EXOC2: variants seen among roughly 807,000 people sequenced by gnomAD.
EXOC2 encodes SEC5-like 1.
In EXOC2, 70 loss-of-function variants were observed where a neutral mutation model predicts 131.8. The observed-to-expected ratio is 0.53, with a 90% CI of 0.44 to 0.65. The LOEUF (loss-of-function observed/expected upper bound fraction) is 0.65. Among genes scored for constraint, EXOC2 ranks in the 30% least tolerant of loss-of-function variants. The probability of loss-of-function intolerance (pLI) is 0.00; values close to 1 mark genes in which losing one functional copy is unlikely to be tolerated. For synonymous variants in EXOC2, 411 were observed against 398.4 expected (o/e 1.03, Z -0.38); for missense variants, 923 against 1,108.6 (o/e 0.83, Z 2.38).
intron 23 of EXOC2, among the ~76,000 whole-genome samples, chr6:505,375 G>A (rs138949151): frequency 1.3e-5 from 2 of 152,356 alleles, no homozygotes; most frequent in African/African-American, 4.8e-5. Flanking sequence ...TGGCCTGAGC[G>A]AAGAGGATCG....
intron 2 of EXOC2, among the ~76,000 whole-genome samples, chr6:635,514 T>C (rs182116918): frequency 6.6e-6 from 1 of 152,386 alleles, no homozygotes; most frequent in East Asian, 1.9e-4. Context: ...GACCTATTTC[T>C]TGATTTCTTA....
intron 15 of EXOC2, 21 bp downstream of exon 15, chr6:564,524 T>C: frequency 6.2e-7 from 1 of 1,613,636 alleles, no homozygotes; most frequent in South Asian, 1.1e-5. Flanking sequence ...CGCCTTTCTC[T>C]GAGAATGTGT....
chr6:564,023 CAA>C lies in EXOC2; in HGVS notation c.1789+8_1789+9del. ...TGCACAGTGAACGTCACCGATTTAT[CAA>C]AACACACCTTCCGCCGTGTGCTGCA... On this transcript the variant is annotated splice_region_variant and intron_variant, in intron 16 of 27. Coordinates refer to ENST00000230449, the MANE Select transcript of EXOC2 (RefSeq NM_018303.6). The C allele has an allele frequency of 6.2e-7, 1 of 1,612,516 alleles. No individual in the cohort carries two copies.
intron 1 of EXOC2, among the ~76,000 whole-genome samples, chr6:684,142 C>T (rs887259729): frequency 2.0e-5 from 3 of 152,210 alleles, no homozygotes; most frequent in African/African-American, 7.2e-5. Flanking sequence ...TACAAGCTGT[C>T]ACTCTGCAGC....
chr6:597,636 G>C (rs1759892074), intron 10 of EXOC2, among the ~76,000 whole-genome samples: 1 of 152,194 alleles, frequency 6.6e-6, no homozygotes, highest in Non-Finnish European at 1.5e-5. Context: ...GTGGCATAAT[G>C]CATTTCCCAC....
intron 13 of EXOC2, among the ~76,000 whole-genome samples, chr6:571,772 G>T (rs1299332137): frequency 6.6e-6 from 1 of 151,490 alleles, no homozygotes; most frequent in Non-Finnish European, 1.5e-5. Flanking sequence ...GCAGAGACAC[G>T]AAACACCTGT....
At chr6:658,992 C>T (rs1763292389) in intron 1 of EXOC2, among the ~76,000 whole-genome samples, 1 of 152,108 alleles carries the variant, frequency 6.6e-6, no homozygotes, top group South Asian at 2.1e-4. Flanking sequence ...ATTAAATCCT[C>T]CCACTTATTC....
At position 488,924 on chromosome 6, in the gene EXOC2, CAA is replaced by C. The variant is rs1335033625; in HGVS notation, c.2681+53_2681+54del. 6 of 1,536,998 alleles carry C rather than the reference CAA, an allele frequency of 3.9e-6. No homozygotes were observed. The East Asian group carries it at 1.1e-4, about 29-fold the overall frequency. ...TATTTTTAAAAGGTATTTTAGGAAA[CAA>C]AACCTTGTTGAGCACATTCAACTGG... is the stretch of plus-strand genomic sequence containing the variant. On this transcript the variant is annotated intron_variant, in intron 27 of 27. Transcript: ENST00000230449.
At chr6:581,633 A>G (rs1286851643) in intron 11 of EXOC2, among the ~76,000 whole-genome samples, 1 of 152,164 alleles carries the variant, frequency 6.6e-6, no homozygotes. Context: ...GGATCTAGCT[A>G]TATCTTTTAA....
chr6:647,706 T>A (rs1762640321), intron 1 of EXOC2, among the ~76,000 whole-genome samples: 1 of 145,308 alleles, frequency 6.9e-6, no homozygotes, highest in Non-Finnish European at 1.5e-5. Context: ...ACCTCTGGTC[T>A]CAAAGAACGC....
At chr6:625,928 C>T (rs1292762063) in intron 4 of EXOC2, among the ~76,000 whole-genome samples, 1 of 152,084 alleles carries the variant, frequency 6.6e-6, no homozygotes, top group Non-Finnish European at 1.5e-5. Context: ...ATATACAGAC[C>T]GTCTCCTACA....
chr6:491,203 G>A lies in EXOC2; in HGVS notation c.2560-17C>T. 3 of 1,613,596 alleles carry A rather than the reference G, an allele frequency of 1.9e-6. No homozygotes were observed. Among genetic ancestry groups the A allele is most frequent in the Admixed American group, 1.7e-5 (1 of 59,998 alleles). ...AAGTCTCGCCTGAAAATGAGAAAAAGACAAAGTGACAACAGGAAAATTTAT... is the reference window on the plus strand; with the variant it reads ...AAGTCTCGCCTGAAAATGAGAAAAAAACAAAGTGACAACAGGAAAATTTAT... On this transcript the variant is annotated splice_polypyrimidine_tract_variant and intron_variant, in intron 25 of 27. Transcript: ENST00000230449.
intron 26 of EXOC2, 44 bp downstream of exon 26, chr6:491,081 T>C: frequency 1.3e-6 from 2 of 1,599,408 alleles, no homozygotes; most frequent in South Asian, 2.2e-5. Context: ...TAAGACAACC[T>C]TTATTTTTAA....
intron 1 of EXOC2, among the ~76,000 whole-genome samples, chr6:665,634 G>A (rs577714716): frequency 2.6e-5 from 4 of 152,302 alleles, no homozygotes; most frequent in Non-Finnish European, 4.4e-5. Flanking sequence ...TTGCAGTGAC[G>A]TGGATGAGAT....
intron 26 of EXOC2, among the ~76,000 whole-genome samples, chr6:490,550 AGCATATTAC>A (rs1763372940): frequency 6.6e-6 from 1 of 152,208 alleles, no homozygotes; most frequent in African/African-American, 2.4e-5. Flanking sequence ...TGAGTGAGTA[AGCATATTAC>A]AGTGTCCTCA....
In EXOC2 at chr6:491,155, G is replaced by A. The variant is rs926041472; in HGVS notation, c.2591C>T (p.Thr864Ile). The change falls in exon 26 of 28, where the codon ACT becomes ATT. Residue 864 changes from threonine (T) to isoleucine (I), a missense_variant. Thr to Ile is a moderately conservative substitution (Grantham distance 89). Transcript: ENST00000230449. ...TTCGGGTGTCAGGTAAACAGCCACAGTGTCCCTCAAAGCACAGATTTCAAG... is the reference window on the plus strand; with the variant it reads ...TTCGGGTGTCAGGTAAACAGCCACAATGTCCCTCAAAGCACAGATTTCAAG... ...ARLEICALRD[T>I]VAVYLTPESK... is the part of the protein sequence containing the mutation. 1 of 1,614,066 alleles carries A rather than the reference G, an allele frequency of 6.2e-7. No individual in the cohort carries two copies. The highest frequency in any genetic ancestry group is 1.7e-5 in the Admixed American group (1 of 60,000).
intron 11 of EXOC2, among the ~76,000 whole-genome samples, chr6:582,600 A>G (rs989781445): frequency 1.4e-5 from 2 of 143,854 alleles, no homozygotes; most frequent in Admixed American, 6.9e-5. Flanking sequence ...AGCGCACCAC[A>G]CACAAGAATT....
At chr6:580,562 G>C (rs1026677173) in intron 11 of EXOC2, among the ~76,000 whole-genome samples, 1 of 151,926 alleles carries the variant, frequency 6.6e-6, no homozygotes, top group Non-Finnish European at 1.5e-5. Context: ...CTGATGAAAA[G>C]GTTATAACTA....
At chr6:599,566 T>A (rs1246603090) in intron 7 of EXOC2, among the ~76,000 whole-genome samples, 1 of 152,056 alleles carries the variant, frequency 6.6e-6, no homozygotes, top group African/African-American at 2.4e-5. Flanking sequence ...TACAATAGGG[T>A]AAAACACACA....
Sources: allele counts gnomAD v4.1 joint callset (sites outside exome capture counted in the v4.1 genomes callset), GRCh38; gene constraint gnomAD v4.1.1; transcripts MANE v1.5; gene names NCBI Gene and HGNC (gene_info 2026-07-23, HGNC 2026-07-21).